The following INPP5A variants were observed in gnomAD, a reference collection of about 807,000 sequenced individuals.
INPP5A encodes inositol polyphosphate-5-phosphatase A.
Under a neutral mutation model 65.2 loss-of-function variants are expected in INPP5A, and 14 were observed. That is an observed-to-expected ratio of 0.21 (90% CI 0.14 to 0.34). The LOEUF (loss-of-function observed/expected upper bound fraction) is 0.34. INPP5A is among the 10% of genes least tolerant of loss of function. The pLI is 1.00. For missense variants in INPP5A, 431 were observed against 545.6 expected (o/e 0.79, Z 2.09); for synonymous variants, 207 against 208.3 (o/e 0.99, Z 0.05).
intron 4 of INPP5A, among the ~76,000 whole-genome samples, chr10:132,655,923 C>G (rs976027868): frequency 2.0e-5 from 3 of 152,216 alleles, no homozygotes; most frequent in Non-Finnish European, 1.5e-5. Flanking sequence ...GTCCTGGGCT[C>G]TAGTCCCATT....
At chr10:132,722,524 C>A (rs534366131) in intron 8 of INPP5A, among the ~76,000 whole-genome samples, 1 of 152,222 alleles carries the variant, frequency 6.6e-6, no homozygotes, top group South Asian at 2.1e-4. Flanking sequence ...CCAGCAGCCT[C>A]GCGCCCGGTT....
chr10:132,686,359 C>A (rs996067348), intron 4 of INPP5A, among the ~76,000 whole-genome samples: 1 of 152,238 alleles, frequency 6.6e-6, no homozygotes, highest in African/African-American at 2.4e-5. Flanking sequence ...TCTTGTTTAT[C>A]AATACGTAAA....
intron 4 of INPP5A, among the ~76,000 whole-genome samples, chr10:132,657,188 G>T (rs1289816136): frequency 1.3e-5 from 2 of 152,224 alleles, no homozygotes; most frequent in Non-Finnish European, 1.5e-5. Context: ...AGCCTGCAAG[G>T]CCTGCTGGGC....
In INPP5A at chr10:132,741,918, C is replaced by T. The variant is rs1321824938; in HGVS notation, c.733-7599C>T. ...GGCTTCTTTCCGAGATGTGGCCGTC[C>T]TCTGCAGAAAGGATGCATACTTACA... On this transcript the variant is annotated intron_variant, in intron 9 of 15. Coordinates refer to ENST00000368594, the MANE Select transcript of INPP5A (RefSeq NM_005539.5). This position sits in a 1 kb window ranked among gnomAD's most constrained non-coding sequence, Gnocchi z 4.4. Among the ~76,000 whole-genome samples the T allele has an allele frequency of 6.6e-6, 1 of 152,178 alleles. No individual in the cohort carries two copies. The highest frequency in any genetic ancestry group is 2.4e-5 in the African/African-American group (1 of 41,422).
rs1203321484 is a variant in INPP5A at position 132,538,276 on chromosome 10, C to T, written c.75+105C>T. The T allele has an allele frequency of 4.0e-6, 2 of 494,928 alleles. No individual in the cohort carries two copies. Among genetic ancestry groups the T allele is most frequent in the African/African-American group, 4.1e-5 (2 of 48,368 alleles). 30.7% of individuals were successfully genotyped at this position (494,928 alleles called of 1,614,324 possible). A position where few individuals can be genotyped will look rare whatever the true frequency, so the allele number is the denominator to read the frequency against. On this transcript the variant is annotated intron_variant, in intron 1 of 15. Coordinates refer to ENST00000368594, the MANE Select transcript of INPP5A (RefSeq NM_005539.5). This position sits in a 1 kb window ranked among gnomAD's most constrained non-coding sequence, Gnocchi z 4.1. Reference sequence around the variant, plus strand: ...GACCCTGGACCGTGAACCTCCAGACCCAGAGGCCCCAGACTCTGATCCCTG... The same window carrying T: ...GACCCTGGACCGTGAACCTCCAGACTCAGAGGCCCCAGACTCTGATCCCTG...
intron 1 of INPP5A, among the ~76,000 whole-genome samples, chr10:132,584,674 G>GT (rs746527833): frequency 4.1e-4 from 63 of 151,948 alleles, no homozygotes; most frequent in Non-Finnish European, 7.5e-4. Context: ...TGGCTTATTA[G>GT]TTTTGCTAAT....
chr10:132,585,052 G>T (rs1411520506), intron 1 of INPP5A, among the ~76,000 whole-genome samples: 2 of 152,220 alleles, frequency 1.3e-5, no homozygotes, highest in Admixed American at 6.5e-5. Flanking sequence ...ACCTTCAGGG[G>T]CTTCTAGAAG....
chr10:132,576,823 G>A (rs1169375844), intron 1 of INPP5A, among the ~76,000 whole-genome samples: 1 of 152,218 alleles, frequency 6.6e-6, no homozygotes, highest in Non-Finnish European at 1.5e-5. Context: ...GGGATGGGGA[G>A]CCGAGGGTCG....
chr10:132,761,590 G>A (rs762348932), intron 11 of INPP5A, among the ~76,000 whole-genome samples: 2 of 152,016 alleles, frequency 1.3e-5, no homozygotes, highest in South Asian at 2.1e-4. Context: ...GTGGGGCGGA[G>A]CCTGGGGGTG....
At chr10:132,539,218 C>T (rs2070879313) in intron 1 of INPP5A, among the ~76,000 whole-genome samples, 1 of 152,212 alleles carries the variant, frequency 6.6e-6, no homozygotes, top group Admixed American at 6.5e-5. Context: ...TCAGCCCCAG[C>T]TCCTGGATGC....
At chr10:132,569,280 A>G (rs528269255) in intron 1 of INPP5A, among the ~76,000 whole-genome samples, 4 of 152,186 alleles carry the variant, frequency 2.6e-5, no homozygotes, top group Non-Finnish European at 5.9e-5. Context: ...TTTATCTCAC[A>G]TGGTTTCTTC....
intron 1 of INPP5A, among the ~76,000 whole-genome samples, chr10:132,562,401 A>G (rs2071218044): frequency 6.6e-6 from 1 of 152,220 alleles, no homozygotes; most frequent in South Asian, 2.1e-4. Context: ...GAGGACACGT[A>G]GGTGAACCTG....
Position 132,663,249 on chromosome 10 carries a change from T to C in INPP5A, c.306+12744T>C, listed in dbSNP as rs992103731. Reference sequence around the variant, plus strand: ...AATCTTATTTTATTTTGACACAGGATGTCACTCTGTTGCCCAGGCTGGAGT... The same window carrying C: ...AATCTTATTTTATTTTGACACAGGACGTCACTCTGTTGCCCAGGCTGGAGT... On this transcript the variant is annotated intron_variant, in intron 4 of 15. Transcript: ENST00000368594. The surrounding 1 kb of genome is among the most constrained non-coding windows in gnomAD (Gnocchi z 4.5). 2.3e-4 allele frequency among the ~76,000 whole-genome samples: 35 copies of C among 152,338 alleles called. No individual in the cohort carries two copies. The highest frequency in any genetic ancestry group is 7.9e-4 in the African/African-American group (33 of 41,574).
chr10:132,612,352 C>T (rs1006091611), intron 2 of INPP5A, among the ~76,000 whole-genome samples: 2 of 152,046 alleles, frequency 1.3e-5, no homozygotes, highest in African/African-American at 4.8e-5. Context: ...GAAATGGTGT[C>T]TTATCACATG....
At chr10:132,589,668 G>T (rs961087633) in intron 1 of INPP5A, among the ~76,000 whole-genome samples, 4 of 152,250 alleles carry the variant, frequency 2.6e-5, no homozygotes, top group Non-Finnish European at 4.4e-5. Context: ...CCAGGGCCCA[G>T]GCAGTGCTTG....
rs980209880 is a variant in INPP5A, at chr10:132,603,626, C to T, written c.76-4289C>T. Among the ~76,000 whole-genome samples the T allele has an allele frequency of 2.0e-5, 3 of 152,172 alleles. No homozygotes were observed. Among genetic ancestry groups the T allele is most frequent in the East Asian group, 1.9e-4 (1 of 5,196 alleles). On this transcript the variant is annotated intron_variant, in intron 1 of 15. Transcript: ENST00000368594. This position sits in a 1 kb window ranked among gnomAD's most constrained non-coding sequence, Gnocchi z 4.2. ...ACTTTTCTAAACTTGAAGAATGTAG[C>T]GTTTAAGAATACATTTTAATTTTAG...
chr10:132,687,802 G>A (rs542924548), intron 4 of INPP5A, among the ~76,000 whole-genome samples: 1 of 152,360 alleles, frequency 6.6e-6, no homozygotes, highest in East Asian at 1.9e-4. Flanking sequence ...ACGTGTCCCT[G>A]CTCCTGCCTG....
chr10:132,763,733 GCA>G (rs1320349038), intron 11 of INPP5A, among the ~76,000 whole-genome samples: 1 of 146,010 alleles, frequency 6.8e-6, no homozygotes, highest in African/African-American at 2.6e-5. Context: ...GTGCCTGCAT[GCA>G]CACACATGCC....
intron 2 of INPP5A, among the ~76,000 whole-genome samples, chr10:132,614,382 G>A (rs748140130): frequency 1.3e-5 from 2 of 152,146 alleles, no homozygotes; most frequent in Admixed American, 6.5e-5. Flanking sequence ...CAGGAGAATC[G>A]CTTGAACCCA....
Sources: allele counts gnomAD v4.1 joint callset (sites outside exome capture counted in the v4.1 genomes callset), GRCh38; gene constraint gnomAD v4.1.1; non-coding constraint Gnocchi (gnomAD v3.1); transcripts MANE v1.5; gene names NCBI Gene and HGNC (gene_info 2026-07-23, HGNC 2026-07-21).